The following BANP variants were observed in gnomAD, a reference collection of about 807,000 sequenced individuals.
BANP encodes BTG3 associated nuclear protein.
Under a neutral mutation model 68.1 loss-of-function variants are expected in BANP, and 11 were observed. That is an observed-to-expected ratio of 0.16 (90% CI 0.10 to 0.27). BANP has a LOEUF of 0.27. BANP is among the 10% of genes least tolerant of loss of function. The pLI is 1.00. For missense variants in BANP, 504 were observed against 722.7 expected (o/e 0.70, Z 3.47); for synonymous variants, 329 against 303.2 (o/e 1.09, Z -0.88).
chr16:87,961,047 C>T (rs1597753630), intron 1 of BANP, among the ~76,000 whole-genome samples: 1 of 152,180 alleles, frequency 6.6e-6, no homozygotes, highest in African/African-American at 2.4e-5. Flanking sequence ...CTGCCTAACT[C>T]GGTGAAGCAA....
At chr16:88,037,829 G>T (rs985769517) in intron 10 of BANP, 144 bp from the exon 11 acceptor site, 2 of 715,144 alleles carry the variant, frequency 2.8e-6, no homozygotes, top group Admixed American at 2.4e-5. Flanking sequence ...GGCTTTTGTT[G>T]CTACTGGAGG....
intron 3 of BANP, among the ~76,000 whole-genome samples, chr16:87,983,631 C>G (rs2063727671): frequency 6.6e-6 from 1 of 151,998 alleles, no homozygotes; most frequent in South Asian, 2.1e-4. Context: ...CACCTTTTCC[C>G]ATTAGGCAGC....
At chr16:88,006,024 G>A (rs2070970399) in intron 5 of BANP, 66 bp from the exon 6 acceptor site, 8 of 1,605,336 alleles carry the variant, frequency 5.0e-6, no homozygotes, top group African/African-American at 1.3e-5. Context: ...TAAGGAAAGC[G>A]CTGACCTTCG....
intron 13 of BANP, among the ~76,000 whole-genome samples, chr16:88,072,565 A>C (rs7499536): frequency 1 from 151,849 of 152,392 alleles, 75,656 homozygotes; most frequent in Middle Eastern, 1. Flanking sequence ...TCCCTGCCCC[A>C]CTCGTTGAAG....
chr16:88,011,355 C>T (rs1324691158), intron 6 of BANP, among the ~76,000 whole-genome samples: 1 of 151,940 alleles, frequency 6.6e-6, no homozygotes, highest in Admixed American at 6.6e-5. Flanking sequence ...GGAGAGCAAA[C>T]TTCTCAGGTG....
At chr16:87,965,026 T>C (rs757560085) in intron 1 of BANP, among the ~76,000 whole-genome samples, 3 of 152,138 alleles carry the variant, frequency 2.0e-5, no homozygotes, top group Non-Finnish European at 4.4e-5. Flanking sequence ...ATAGGCGCCA[T>C]TGGCGTGGAG....
chr16:87,950,395 C>G (rs1181582889), upstream of BANP: 2 of 151,830 alleles, frequency 1.3e-5, no homozygotes, highest in African/African-American at 2.4e-5. Flanking sequence ...TACCCACAAA[C>G]GCACATTTGC....
intron 1 of BANP, among the ~76,000 whole-genome samples, chr16:87,956,079 T>G (rs2057992063): frequency 6.6e-6 from 1 of 152,106 alleles, no homozygotes; most frequent in Non-Finnish European, 1.5e-5. Flanking sequence ...GCCTCAGTGG[T>G]CTTGCAGCTC....
intron 8 of BANP, among the ~76,000 whole-genome samples, chr16:88,030,559 C>T (rs189866155): frequency 2.8e-4 from 43 of 152,272 alleles, no homozygotes; most frequent in Admixed American, 1.4e-3. Flanking sequence ...TATAACCTGA[C>T]GACTGCCAGA....
chr16:88,062,396 C>T (rs561545018), intron 11 of BANP, among the ~76,000 whole-genome samples: 92 of 152,312 alleles, frequency 6.0e-4, no homozygotes, highest in African/African-American at 2.2e-3. Context: ...TGTGTGTGCT[C>T]AAAATGCAGT....
chr16:88,041,993 G>T (rs557026651), intron 11 of BANP, among the ~76,000 whole-genome samples: 8 of 152,296 alleles, frequency 5.3e-5, no homozygotes, highest in Non-Finnish European at 1.0e-4. Flanking sequence ...CAGTAGGAGC[G>T]TGGGAGACGC....
intron 1 of BANP, among the ~76,000 whole-genome samples, chr16:87,964,784 G>T (rs2059756339): frequency 6.6e-6 from 1 of 152,242 alleles, no homozygotes; most frequent in African/African-American, 2.4e-5. Context: ...GGCCGGATCA[G>T]GGTGAAGGAG....
chr16:87,980,834 GTGTCTGGGCTTTTCT>G (rs1470833814), intron 2 of BANP, 187 bp from the exon 3 acceptor site: 7 of 554,538 alleles, frequency 1.3e-5, no homozygotes, highest in African/African-American at 3.8e-5. Context: ...TAATTGCCCA[GTGTCTGGGCTTTTCT>G]TGGGATTAAG....
In BANP at chr16:87,984,083, G is replaced by A; in HGVS notation, c.186G>A (p.Gln62=). ...SIKSFLYSIN[Q]TICLRLDSIE... is the part of the protein sequence containing the mutation. ...AGTCATTCCTGTATTCCATCAACCA[G>A]ACAATCTGCTTGCGGTTGGATAGCA... is the stretch of plus-strand genomic sequence containing the variant. The change falls in exon 4 of 14, where the codon CAG becomes CAA. Residue 62 remains glutamine, a synonymous_variant. Coordinates refer to ENST00000682872, the MANE Select transcript of BANP (RefSeq NM_001386991.1). 1 of 1,614,028 alleles carries A rather than the reference G, an allele frequency of 6.2e-7. No homozygotes were observed. Among genetic ancestry groups the A allele is most frequent in the Admixed American group, 1.7e-5 (1 of 60,012 alleles).
intron 6 of BANP, among the ~76,000 whole-genome samples, chr16:88,014,848 C>T (rs1351370521): frequency 6.6e-6 from 1 of 152,010 alleles, no homozygotes; most frequent in Non-Finnish European, 1.5e-5. Context: ...TGGAGACCAC[C>T]CTCATGTACC....
At chr16:87,989,612 C>T (rs1236796223) in intron 4 of BANP, among the ~76,000 whole-genome samples, 5 of 142,002 alleles carry the variant, frequency 3.5e-5, no homozygotes, top group East Asian at 2.1e-4. Context: ...TGCAGGCCCG[C>T]GTGGCTGCGC....
At chr16:87,968,793 G>A (rs551550756) in intron 1 of BANP, among the ~76,000 whole-genome samples, 3 of 152,276 alleles carry the variant, frequency 2.0e-5, no homozygotes, top group South Asian at 4.1e-4. Flanking sequence ...ATGAGCGTGC[G>A]TAGGTGGAGT....
chr16:88,019,974 A>G (rs1480810219), intron 7 of BANP, among the ~76,000 whole-genome samples: 2 of 152,200 alleles, frequency 1.3e-5, no homozygotes, highest in Non-Finnish European at 2.9e-5. Flanking sequence ...GCATCTTCCC[A>G]TGTGCCATGT....
chr16:87,987,711 T>TAAAAAAAAAAAAA (rs2064805972), intron 4 of BANP, among the ~76,000 whole-genome samples: 1 of 6,576 alleles, frequency 1.5e-4, no homozygotes, highest in Non-Finnish European at 3.0e-4. Flanking sequence ...AGACCCTAAC[T>TAAAAAAAAAAAAA]CAAAAAAAAA....
Sources: gnomAD v4.1 joint callset for allele counts (sites outside exome capture counted in the v4.1 genomes callset) on GRCh38, gnomAD v4.1.1 for gene constraint, MANE v1.5 for transcripts, NCBI Gene and HGNC (gene_info 2026-07-23, HGNC 2026-07-21) for gene names.